The following LOC400499 variants were observed in gnomAD, a reference collection of about 807,000 sequenced individuals.
At chr16:11,497,110 CTG>C in the LOC400499 span, among the ~76,000 whole-genome samples, 1 of 152,102 alleles carries the variant, frequency 6.6e-6, no homozygotes, top group Non-Finnish European at 1.5e-5. Flanking sequence ...TGGTGTGAGC[CTG>C]TGTCAGTGTA....
At chr16:11,412,532 G>A in the LOC400499 span, among the ~76,000 whole-genome samples, 1 of 152,332 alleles carries the variant, frequency 6.6e-6, no homozygotes, top group East Asian at 1.9e-4. Flanking sequence ...GCACACGTAA[G>A]AGCACCAAGC....
chr16:11,498,767 A>C, the LOC400499 span, among the ~76,000 whole-genome samples: 1 of 151,554 alleles, frequency 6.6e-6, no homozygotes. Flanking sequence ...TGGGCTCCAC[A>C]AGCCGATCGA....
At chr16:11,376,501 A>G in the LOC400499 span, among the ~76,000 whole-genome samples, 26 of 152,158 alleles carry the variant, frequency 1.7e-4, no homozygotes, top group African/African-American at 5.8e-4. Context: ...TCATTTGACC[A>G]CATGTGTAAG....
At chr16:11,516,474 G>A in the LOC400499 span, among the ~76,000 whole-genome samples, 1 of 152,136 alleles carries the variant, frequency 6.6e-6, no homozygotes, top group South Asian at 2.1e-4. Context: ...CTCTGCAGCT[G>A]GGCTCTGGGG....
At chr16:11,409,244 G>C in the LOC400499 span, among the ~76,000 whole-genome samples, 1 of 151,930 alleles carries the variant, frequency 6.6e-6, no homozygotes, top group South Asian at 2.1e-4. Flanking sequence ...GTGGGTGACA[G>C]AGTGAAACTT....
At chr16:11,385,546 C>T in the LOC400499 span, 1 of 546,136 alleles carries the variant, frequency 1.8e-6, no homozygotes, top group Non-Finnish European at 2.8e-6. Flanking sequence ...CTGGATTCCC[C>T]CTCCCCTGGC....
the LOC400499 span, chr16:11,493,791 C>G: frequency 1.0e-5 from 4 of 384,158 alleles, no homozygotes; most frequent in African/African-American, 9.1e-5. Flanking sequence ...TCAGCACAAG[C>G]TGGAGCTAAA....
At chr16:11,398,418 C>A in the LOC400499 span, 3 of 1,232,260 alleles carry the variant, frequency 2.4e-6, no homozygotes, top group Non-Finnish European at 3.0e-6. Flanking sequence ...CTGTACTTCT[C>A]CCCAGAAGCT....
At chr16:11,481,130 A>T in the LOC400499 span, among the ~76,000 whole-genome samples, 1 of 152,254 alleles carries the variant, frequency 6.6e-6, no homozygotes, top group Non-Finnish European at 1.5e-5. Context: ...TTCCATTTAC[A>T]TGAAATATCC....
the LOC400499 span, among the ~76,000 whole-genome samples, chr16:11,383,346 C>T: frequency 1.3e-4 from 20 of 152,230 alleles, no homozygotes; most frequent in Middle Eastern, 6.8e-3. Context: ...GGATTACAGG[C>T]GTGAGCCACC....
the LOC400499 span, chr16:11,488,980 A>G: frequency 5.0e-6 from 2 of 396,482 alleles, no homozygotes; most frequent in Non-Finnish European, 8.9e-6. Context: ...ATTCCCACGC[A>G]CGGGGGCTTC....
chr16:11,480,086 T>C, the LOC400499 span, among the ~76,000 whole-genome samples: 1 of 152,170 alleles, frequency 6.6e-6, no homozygotes, highest in African/African-American at 2.4e-5. Context: ...GCTGCCACTT[T>C]AGCTGGGCCA....
chr16:11,390,214 G>A, the LOC400499 span: 4 of 1,232,538 alleles, frequency 3.2e-6, no homozygotes, highest in African/African-American at 4.6e-5. Flanking sequence ...TGGAGAGGGA[G>A]GGGACAGTGA....
At chr16:11,464,910 G>C in the LOC400499 span, among the ~76,000 whole-genome samples, 7 of 152,230 alleles carry the variant, frequency 4.6e-5, no homozygotes, top group Admixed American at 2.0e-4. Context: ...TGAGGCATAA[G>C]TCTCAGCCAT....
At chr16:11,380,151 A>G in the LOC400499 span, among the ~76,000 whole-genome samples, 1 of 152,136 alleles carries the variant, frequency 6.6e-6, no homozygotes, top group African/African-American at 2.4e-5. Context: ...ATGTATAGTT[A>G]TACATCTTTT....
At chr16:11,441,799 A>C in the LOC400499 span, among the ~76,000 whole-genome samples, 1 of 152,200 alleles carries the variant, frequency 6.6e-6, no homozygotes, top group East Asian at 1.9e-4. Flanking sequence ...AAAGGAAAGG[A>C]AACAGACTCT....
chr16:11,413,248 G>A, the LOC400499 span, among the ~76,000 whole-genome samples: 4 of 152,180 alleles, frequency 2.6e-5, no homozygotes, highest in Non-Finnish European at 5.9e-5. Context: ...TCGAGGCCAG[G>A]AAAGGGTTTA....
At chr16:11,403,329 T>C in the LOC400499 span, among the ~76,000 whole-genome samples, 1 of 152,326 alleles carries the variant, frequency 6.6e-6, no homozygotes, top group East Asian at 1.9e-4. Context: ...CCTTTGTTCC[T>C]GCCACCCGCT....
the LOC400499 span, among the ~76,000 whole-genome samples, chr16:11,420,124 G>T: frequency 2.8e-4 from 42 of 149,530 alleles, no homozygotes; most frequent in African/African-American, 9.7e-4. Flanking sequence ...AAATCATGCT[G>T]CTATAAAGAC....
Sources: allele counts gnomAD v4.1 joint callset (sites outside exome capture counted in the v4.1 genomes callset), GRCh38; gene constraint gnomAD v4.1.1; transcripts MANE v1.5.